The following ATG4D variants were observed in gnomAD, a reference collection of about 807,000 sequenced individuals.
ATG4D encodes autophagy related 4D cysteine peptidase, also known as cysteine protease ATG4D.
Under a neutral mutation model 55.2 loss-of-function variants are expected in ATG4D, and 51 were observed. The observed-to-expected ratio is 0.92, with a 90% CI of 0.74 to 1.17. ATG4D has a LOEUF of 1.17. ATG4D is among the 50% of genes most tolerant of loss of function. ATG4D has a pLI of 0.00. For synonymous variants in ATG4D, 268 were observed against 266.2 expected (o/e 1.01, Z -0.07); for missense variants, 635 against 649.6 (o/e 0.98, Z 0.25).
At position 10,547,017 on chromosome 19, in the gene ATG4D, G is replaced by T. The variant is rs1274444545; in HGVS notation, c.672G>T (p.Arg224=). Residue 224 remains arginine, a synonymous_variant, in exon 4 of 10, where the codon CGG becomes CGT. Transcript: ENST00000309469. ...QIVSWFADHP[R]APFGLHRLVE... Reference sequence around the variant, plus strand: ...TGTCCTGGTTCGCCGACCACCCCCGGGCCCCCTTTGGCCTACACCGGCTGG... The same window carrying T: ...TGTCCTGGTTCGCCGACCACCCCCGTGCCCCCTTTGGCCTACACCGGCTGG... 1 of 1,586,060 alleles carries T rather than the reference G, an allele frequency of 6.3e-7. No individual in the cohort carries two copies. Among genetic ancestry groups the T allele is most frequent in the South Asian group, 1.1e-5 (1 of 88,268 alleles).
In ATG4D at chr19:10,552,898, C is replaced by T. The variant is rs369731970; in HGVS notation, c.1256C>T (p.Ser419Phe). The T allele has an allele frequency of 1.2e-6, 2 of 1,609,198 alleles. No individual in the cohort carries two copies. Among genetic ancestry groups the T allele is most frequent in the Non-Finnish European group, 1.7e-6 (2 of 1,177,402 alleles). ...CSELTRVLSS[S>F]SATERYPMFT... ...TCTTCCCGCCAGGTCCTCAGCTCCT[C>T]CTCAGCCACAGAGCGGTACCCCATG... is the stretch of plus-strand genomic sequence containing the variant. The change falls in exon 10 of 10, where the codon TCC (serine) becomes TTC (phenylalanine). Residue 419 changes from serine to phenylalanine, a missense_variant. Coordinates refer to ENST00000309469, the MANE Select transcript of ATG4D (RefSeq NM_032885.6).
chr19:10,544,684 A>T, intron 1 of ATG4D, 99 bp from the exon 2 acceptor site: 1 of 1,573,294 alleles, frequency 6.4e-7, no homozygotes, highest in Non-Finnish European at 8.6e-7. Flanking sequence ...CGGAGATAGG[A>T]ACTAGGATCG....
Position 10,552,925 on chromosome 19 carries a change from T to C in ATG4D, c.1283T>C (p.Phe428Ser). 1 of 1,613,458 alleles carries C rather than the reference T, an allele frequency of 6.2e-7. No individual in the cohort carries two copies. Among genetic ancestry groups the C allele is most frequent in the Non-Finnish European group, 8.5e-7 (1 of 1,179,890 alleles). Residue 428 changes from phenylalanine (F) to serine (S), a missense_variant, in exon 10 of 10, where the codon TTC becomes TCC. Coordinates refer to ENST00000309469, the MANE Select transcript of ATG4D (RefSeq NM_032885.6). The stretch of plus-strand genomic sequence containing the variant: ...TCAGCCACAGAGCGGTACCCCATGT[T>C]CACCCTGGCCGAGGGCCATGCTCAG... ...SSSATERYPM[F>S]TLAEGHAQDH...
intron 9 of ATG4D, 103 bp downstream of exon 9, chr19:10,552,427 T>G: frequency 7.0e-7 from 1 of 1,431,160 alleles, no homozygotes; most frequent in Non-Finnish European, 9.3e-7. Flanking sequence ...GGGGTGCTGC[T>G]TCCAGGCTAG....
At chr19:10,551,823 C>G in intron 6 of ATG4D, 74 bp from the exon 7 acceptor site, 2 of 1,444,124 alleles carry the variant, frequency 1.4e-6, no homozygotes, top group Non-Finnish European at 1.9e-6. Flanking sequence ...AGGCTGGGTT[C>G]TCACAGAGGA....
intron 1 of ATG4D, 108 bp from the exon 2 acceptor site, chr19:10,544,675 G>A (rs111980498): frequency 0.019 from 29,088 of 1,537,852 alleles, 323 homozygotes; most frequent in Middle Eastern, 0.037. Context: ...GAGCCACCCC[G>A]GAGATAGGAA....
intron 6 of ATG4D, among the ~76,000 whole-genome samples, chr19:10,549,578 C>T (rs570974343): frequency 4.7e-4 from 71 of 152,212 alleles, no homozygotes; most frequent in African/African-American, 1.6e-3. Flanking sequence ...CCACCACGCC[C>T]GGCTAACTTT....
At position 10,553,090 on chromosome 19, in the gene ATG4D, TACA is replaced by T. The variant is rs756352592; in HGVS notation, c.*27_*29del. The T allele has an allele frequency of 1.9e-6, 3 of 1,569,258 alleles. No homozygotes were observed. The highest frequency in any genetic ancestry group is 1.8e-5 in the Admixed American group (1 of 54,322). ...TAAAGGGAGGGGATGAGGGGAAAGA[TACA>T]ACACTATTTATTTTTTTATTTATGT... is the stretch of plus-strand genomic sequence containing the variant. On this transcript the variant is annotated 3_prime_UTR_variant, in exon 10 of 10. Transcript: ENST00000309469.
rs1916344217 is a variant in ATG4D, at chr19:10,553,047, G to A, written c.1405G>A (p.Glu469Lys). Residue 469 changes from glutamate (E) to lysine (K), a missense_variant, in exon 10 of 10, where the codon GAG (glutamate) becomes AAG (lysine). Physicochemically the swap from Glu to Lys is moderately conservative, Grantham distance 56. Coordinates refer to ENST00000309469, the MANE Select transcript of ATG4D (RefSeq NM_032885.6). Reference sequence around the variant, plus strand: ...CCTCAGGGCCAAACGCCCCAGCTCTGAGGACTTTGTGTTTTTATAAAGGGA... The same window carrying A: ...CCTCAGGGCCAAACGCCCCAGCTCTAAGGACTTTGTGTTTTTATAAAGGGA... ...RLLRAKRPSS[E>K]DFVFL 1 of 1,604,730 alleles carries A rather than the reference G, an allele frequency of 6.2e-7. No homozygotes were observed. The highest frequency in any genetic ancestry group is 2.2e-5 in the East Asian group (1 of 44,738).
Position 10,543,978 on chromosome 19 carries a change from C to A in ATG4D, c.-113C>A. 1.5e-6 allele frequency: 1 copy of A among 648,832 alleles called. No individual in the cohort carries two copies. Among genetic ancestry groups the A allele is most frequent in the Admixed American group, 4.5e-5 (1 of 22,334 alleles). 40.2% of individuals were successfully genotyped at this position (648,832 alleles called of 1,614,324 possible). On this transcript the variant is annotated 5_prime_UTR_variant, in exon 1 of 10. Coordinates refer to ENST00000309469, the MANE Select transcript of ATG4D (RefSeq NM_032885.6). ...GTTGCCTGGCCCGGTACCCTGGGGA[C>A]GGGGGCCGAGTAGCGCCTTCCCCGG...
Position 10,546,912 on chromosome 19 carries a change from T to C in ATG4D, c.567T>C (p.His189=). The part of the protein sequence containing the change: ...LSGSASPSRY[H]GPARWMPPRW... ...GGTCAGCCTCTCCCAGCCGGTACCA[T>C]GGGCCTGCCCGCTGGATGCCCCCAC... The change falls in exon 4 of 10, where the codon CAT becomes CAC. Residue 189 remains histidine, a synonymous_variant. Transcript: ENST00000309469. 1 of 1,612,018 alleles carries C rather than the reference T, an allele frequency of 6.2e-7. No homozygotes were observed. The highest frequency in any genetic ancestry group is 8.5e-7 in the Non-Finnish European group (1 of 1,179,434).
At position 10,549,511 on chromosome 19, in the gene ATG4D, G is replaced by A. The variant is rs551731869; in HGVS notation, c.966+477G>A. ...TGGCTCATTGCAACCTCCGCCTCCC[G>A]AGTTCAAGCAATTCTCCTGCCTCAG... On this transcript the variant is annotated intron_variant, in intron 6 of 9. Transcript: ENST00000309469. 3.4e-4 allele frequency among the ~76,000 whole-genome samples: 52 copies of A among 152,106 alleles called. 1 individual carries two copies. The highest frequency in any genetic ancestry group is 8.9e-4 in the African/African-American group (37 of 41,506).
chr19:10,552,351 G>T, intron 9 of ATG4D, 27 bp downstream of exon 9: 1 of 1,601,120 alleles, frequency 6.2e-7, no homozygotes, highest in Non-Finnish European at 8.5e-7. Flanking sequence ...CTGGAGTGGG[G>T]TGAGGGGGGC....
At chr19:10,549,210 G>A (rs535716237) in intron 6 of ATG4D, among the ~76,000 whole-genome samples, 176 bp downstream of exon 6, 18 of 151,594 alleles carry the variant, frequency 1.2e-4, no homozygotes, top group African/African-American at 3.9e-4. Context: ...TGCAACCTCC[G>A]CCTCCTGGGT....
intron 9 of ATG4D, 128 bp downstream of exon 9, chr19:10,552,452 G>A: frequency 8.0e-7 from 1 of 1,250,432 alleles, no homozygotes; most frequent in Non-Finnish European, 1.1e-6. Context: ...CCTAACCTGG[G>A]AAATGTGAAG....
rs1173796315 is a variant in ATG4D at position 10,552,994 on chromosome 19, C to T, written c.1352C>T (p.Thr451Ile). Reference protein sequence around the residue: ...DDLCSQLAQPTLRLPRTGRLL... With the variant: ...DDLCSQLAQPILRLPRTGRLL... ...CTCTGCTCCCAGCTCGCCCAGCCCA[C>T]ACTCCGGCTCCCTCGCACAGGGCGG... The change falls in exon 10 of 10, where the codon ACA (threonine) becomes ATA (isoleucine). Residue 451 changes from threonine to isoleucine, a missense_variant. Coordinates refer to ENST00000309469, the MANE Select transcript of ATG4D (RefSeq NM_032885.6). 7 of 1,613,262 alleles carry T rather than the reference C, an allele frequency of 4.3e-6. No homozygotes were observed. The highest frequency in any genetic ancestry group is 5.9e-6 in the Non-Finnish European group (7 of 1,180,014).
Position 10,552,137 on chromosome 19 carries a change from A to C in ATG4D, c.1122+16A>C, listed in dbSNP as rs750985644. 1 of 1,611,886 alleles carries C rather than the reference A, an allele frequency of 6.2e-7. No individual in the cohort carries two copies. Among genetic ancestry groups the C allele is most frequent in the South Asian group, 1.1e-5 (1 of 91,078 alleles). ...CCCCCTGGAGGTGAGTGGGAGCCCC[A>C]GTGTGTGGTTGGGGCCATGGCGGGT... On this transcript the variant is annotated intron_variant, in intron 8 of 9. Transcript: ENST00000309469.
chr19:10,549,952 G>A (rs544396974), intron 6 of ATG4D, among the ~76,000 whole-genome samples: 21 of 152,242 alleles, frequency 1.4e-4, no homozygotes, highest in African/African-American at 4.3e-4. Context: ...TTGGGAGGCC[G>A]AGGCAGGAGG....
rs781550454 is a variant in ATG4D at position 10,551,990 on chromosome 19, T to TC, written c.1045+17dup. ...TGGCTACCAAGGTAGGCCCACCCCC[T>TC]CCTCACTCCTCCCACCCCCCACCGC... On this transcript the variant is annotated intron_variant, in intron 7 of 9. Coordinates refer to ENST00000309469, the MANE Select transcript of ATG4D (RefSeq NM_032885.6). 1.1e-5 allele frequency: 10 copies of TC among 906,860 alleles called. No individual in the cohort carries two copies. Among genetic ancestry groups the TC allele is most frequent in the Admixed American group, 2.6e-5 (1 of 38,750 alleles). 56.2% of individuals were successfully genotyped at this position (906,860 alleles called of 1,614,324 possible). A position where few individuals can be genotyped will look rare whatever the true frequency, so the allele number is the denominator to read the frequency against.
Sources: allele counts gnomAD v4.1 joint callset (sites outside exome capture counted in the v4.1 genomes callset), GRCh38; gene constraint gnomAD v4.1.1; transcripts MANE v1.5; gene names NCBI Gene and HGNC (gene_info 2026-07-23, HGNC 2026-07-21).